The following KIF1B variants were observed in gnomAD, a reference collection of about 807,000 sequenced individuals.
KIF1B encodes kinesin family member 1B, also known as kinesin-like protein KIF1B.
Under a neutral mutation model 241.9 loss-of-function variants are expected in KIF1B, and 76 were observed. The ratio of observed to expected loss-of-function variants is 0.31; its 90% CI spans 0.26 to 0.38. The LOEUF (loss-of-function observed/expected upper bound fraction) is 0.38. KIF1B is among the 10% of genes least tolerant of loss of function. The pLI is 1.00. For missense variants in KIF1B, 1,622 were observed against 2,271.4 expected (o/e 0.71, Z 5.81); for synonymous variants, 750 against 796.7 (o/e 0.94, Z 0.99).
At chr1:10,302,944 A>G (rs1650613162) in intron 22 of KIF1B, among the ~76,000 whole-genome samples, 1 of 152,140 alleles carries the variant, frequency 6.6e-6, no homozygotes, top group African/African-American at 2.4e-5. Flanking sequence ...AAATAAGCAA[A>G]TCTTTATATT....
intron 26 of KIF1B, among the ~76,000 whole-genome samples, chr1:10,325,818 C>G (rs1323492699): frequency 1.3e-5 from 2 of 152,168 alleles, no homozygotes; most frequent in African/African-American, 4.8e-5. Flanking sequence ...TTTATGTGAA[C>G]TGGAGAATGT....
intron 36 of KIF1B, among the ~76,000 whole-genome samples, chr1:10,348,312 A>C (rs1331537353): frequency 6.6e-6 from 1 of 152,184 alleles, no homozygotes; most frequent in East Asian, 1.9e-4. Flanking sequence ...GATACCATAC[A>C]TTTGGGACAT....
intron 22 of KIF1B, chr1:10,307,316 G>C (rs1307850288): frequency 9.9e-7 from 1 of 1,009,666 alleles, no homozygotes; most frequent in Non-Finnish European, 1.2e-6. Flanking sequence ...TTTTGTTTTT[G>C]TTATTGTTGT....
At chr1:10,257,914 T>A (rs931564418) in intron 3 of KIF1B, among the ~76,000 whole-genome samples, 3 of 152,164 alleles carry the variant, frequency 2.0e-5, no homozygotes, top group African/African-American at 7.2e-5. Flanking sequence ...TATCCTCAAG[T>A]GATCTGCCCG....
At chr1:10,238,317 G>A (rs2102142543) in intron 2 of KIF1B, among the ~76,000 whole-genome samples, 1 of 148,584 alleles carries the variant, frequency 6.7e-6, no homozygotes, top group East Asian at 2.0e-4. Context: ...GGAGACGGAG[G>A]TTGCAGTGAA....
intron 27 of KIF1B, among the ~76,000 whole-genome samples, chr1:10,332,906 G>A (rs918157023): frequency 2.0e-5 from 3 of 151,294 alleles, no homozygotes; most frequent in Non-Finnish European, 4.4e-5. Context: ...CCACCTCCCG[G>A]GTTCAAGCGA....
intron 38 of KIF1B, among the ~76,000 whole-genome samples, chr1:10,358,127 CT>C (rs1388497244): frequency 7.1e-6 from 1 of 140,660 alleles, no homozygotes; most frequent in Non-Finnish European, 1.6e-5. Context: ...AAGAAAGAAA[CT>C]TTTTTTGACA....
At chr1:10,308,272 G>A in intron 22 of KIF1B, 1 of 1,060,352 alleles carries the variant, frequency 9.4e-7, no homozygotes, top group African/African-American at 1.6e-5. Context: ...TGTACTGTTA[G>A]AGCCAAAATT....
At chr1:10,242,470 T>C (rs1403047640) in intron 2 of KIF1B, among the ~76,000 whole-genome samples, 1 of 152,204 alleles carries the variant, frequency 6.6e-6, no homozygotes, top group African/African-American at 2.4e-5. Context: ...TCTAAACATA[T>C]CTAACCATAG....
Position 10,221,664 on chromosome 1 carries a change from A to G in KIF1B, c.-79-10586A>G, listed in dbSNP as rs188541090. Among the ~76,000 whole-genome samples the G allele has an allele frequency of 7.2e-4, 109 of 152,298 alleles. 1 individual carries two copies. Among genetic ancestry groups the G allele is most frequent in the Admixed American group, 7.1e-3 (108 of 15,290 alleles). ...GAGGACTTTTTCATAGCATCTCAAA[A>G]GGGGATCTCTAGCTATAAAAATTTA... On this transcript the variant is annotated intron_variant, in intron 1 of 48. Transcript: ENST00000676179.
rs1010276300 is a variant in KIF1B at position 10,375,373 on chromosome 1, G to A, written c.5408G>A (p.Arg1803Gln). Residue 1803 changes from arginine (R) to glutamine (Q), a missense_variant and splice_region_variant, in exon 48 of 49, where the codon CGG becomes CAG. Arg to Gln is a conservative substitution (Grantham distance 43, BLOSUM62 1). Coordinates refer to ENST00000676179, the MANE Select transcript of KIF1B (RefSeq NM_001365951.3). ...AACCCACTTCTAGCTGGCACAATAC[G>A]GTAAGAAGTTTTGTTGTTGTTGTTG... Reference protein sequence around the residue: ...AFNPLLAGTIRSKLSRRCPSQ... With the variant: ...AFNPLLAGTIQSKLSRRCPSQ... The A allele has an allele frequency of 1.7e-5, 27 of 1,607,082 alleles. No individual in the cohort carries two copies. Among genetic ancestry groups the A allele is most frequent in the South Asian group, 5.5e-5 (5 of 90,906 alleles).
Position 10,343,218 on chromosome 1 carries a change from T to C in KIF1B, c.3633-14T>C. On this transcript the variant is annotated splice_polypyrimidine_tract_variant and intron_variant, in intron 33 of 48. Transcript: ENST00000676179. ...CTCTTTATAGTCTTGATCTTTGTCTTCCTTTCTTTGCAGTCCGCCTCAGCC... is the reference window on the plus strand; with the variant it reads ...CTCTTTATAGTCTTGATCTTTGTCTCCCTTTCTTTGCAGTCCGCCTCAGCC... 2 of 1,614,056 alleles carry C rather than the reference T, an allele frequency of 1.2e-6. No homozygotes were observed. Among genetic ancestry groups the C allele is most frequent in the Non-Finnish European group, 8.5e-7 (1 of 1,179,904 alleles).
Position 10,352,843 on chromosome 1 carries a change from A to T in KIF1B, c.4055+107A>T, listed in dbSNP as rs1652847377. ...ACTCCCAGTTCGGACAAAGAAATTA[A>T]CTCCCTTCTCCCTTCTAGCTTCAAA... On this transcript the variant is annotated intron_variant, in intron 38 of 48. Transcript: ENST00000676179. 1.5e-5 allele frequency: 12 copies of T among 778,958 alleles called. No homozygotes were observed. The South Asian group carries it at 1.7e-4, about 11-fold the overall frequency. The allele number at this position is 778,958 out of a possible 1,614,324, so 48.3% of individuals were successfully genotyped here. A position where few individuals can be genotyped will look rare whatever the true frequency, so the allele number is the denominator to read the frequency against.
chr1:10,304,682 A>G (rs1557702247), intron 22 of KIF1B: 3 of 1,611,658 alleles, frequency 1.9e-6, no homozygotes, highest in South Asian at 1.1e-5. Flanking sequence ...TCATGGTGGA[A>G]GAAACAGACA....
chr1:10,336,427 G>A (rs903504370), intron 28 of KIF1B, among the ~76,000 whole-genome samples: 6 of 152,226 alleles, frequency 3.9e-5, no homozygotes, highest in East Asian at 1.9e-4. Flanking sequence ...GATGACAGGC[G>A]TGAGCCACCG....
Position 10,334,583 on chromosome 1 carries a change from CAGTG to C in KIF1B, c.2991_2994del (p.Ser997ArgfsTer54). ...CCCTGATCCACAGGGTGGCCATCGT[CAGTG>C]AGAAAGGTGAAGTGCGGGGATTTCT... On this transcript the variant is annotated frameshift_variant, in exon 28 of 49. Transcript: ENST00000676179. LOFTEE classifies it high-confidence loss of function. The C allele has an allele frequency of 6.2e-7, 1 of 1,614,046 alleles. No individual in the cohort carries two copies. The highest frequency in any genetic ancestry group is 8.5e-7 in the Non-Finnish European group (1 of 1,179,946).
At chr1:10,216,691 A>G (rs1646771139) in intron 1 of KIF1B, among the ~76,000 whole-genome samples, 1 of 152,072 alleles carries the variant, frequency 6.6e-6, no homozygotes, top group Non-Finnish European at 1.5e-5. Context: ...GCTATTATAA[A>G]ATCTGGACCC....
chr1:10,292,210 A>ACT (rs1650035448), intron 17 of KIF1B, 88 bp downstream of exon 17: 1 of 930,404 alleles, frequency 1.1e-6, no homozygotes, highest in Non-Finnish European at 1.8e-6. Context: ...TTCAGGACCT[A>ACT]CTCTCCCCCT....
intron 9 of KIF1B, chr1:10,272,557 C>G (rs1648858269): frequency 1.8e-6 from 1 of 555,564 alleles, no homozygotes; most frequent in Non-Finnish European, 3.2e-6. Context: ...GAAGGTTTGA[C>G]TCATTTTTTT....
Sources: gnomAD v4.1 joint callset for allele counts (sites outside exome capture counted in the v4.1 genomes callset) on GRCh38, gnomAD v4.1.1 for gene constraint, MANE v1.5 for transcripts, NCBI Gene and HGNC (gene_info 2026-07-23, HGNC 2026-07-21) for gene names.